PKN2: variants seen among roughly 807,000 people sequenced by gnomAD.
PKN2 encodes serine/threonine-protein kinase N2.
In PKN2, 38 loss-of-function variants were observed where a neutral mutation model predicts 119.1. The ratio of observed to expected loss-of-function variants is 0.32; its 90% CI spans 0.25 to 0.42. The LOEUF is 0.42. Among genes scored for constraint, PKN2 ranks in the 10% least tolerant of loss-of-function variants. The pLI, the probability that PKN2 is intolerant of heterozygous loss-of-function variation, is 1.00. For synonymous variants in PKN2, 390 were observed against 384.9 expected (o/e 1.01, Z -0.15); for missense variants, 850 against 1,165.1 (o/e 0.73, Z 3.94).
chr1:88,738,153 T>C (rs1668428393), intron 1 of PKN2, among the ~76,000 whole-genome samples: 1 of 138,086 alleles, frequency 7.2e-6, no homozygotes, highest in African/African-American at 2.7e-5. Flanking sequence ...AATAACATAA[T>C]GGACAAGTCA....
chr1:88,800,312 A>G (rs1218698158), intron 8 of PKN2, among the ~76,000 whole-genome samples: 1 of 152,208 alleles, frequency 6.6e-6, no homozygotes, highest in Non-Finnish European at 1.5e-5. Flanking sequence ...ACAAATACTG[A>G]GAGAAAACGT....
intron 19 of PKN2, 95 bp downstream of exon 19, chr1:88,828,718 G>T: frequency 1.1e-5 from 11 of 1,001,100 alleles, no homozygotes; most frequent in African/African-American, 1.6e-5. Flanking sequence ...TCTTCAGTAT[G>T]AGTGGAATTT....
At chr1:88,763,636 C>T (rs1040359949) in intron 3 of PKN2, among the ~76,000 whole-genome samples, 2 of 147,838 alleles carry the variant, frequency 1.4e-5, no homozygotes, top group Non-Finnish European at 3.0e-5. Context: ...AGAAAGTTCA[C>T]ATCCATCCTC....
At chr1:88,775,501 C>A (rs1197296561) in intron 6 of PKN2, among the ~76,000 whole-genome samples, 1 of 152,066 alleles carries the variant, frequency 6.6e-6, no homozygotes, top group South Asian at 2.1e-4. Flanking sequence ...TTTATTTATT[C>A]ATTCATTTAC....
At chr1:88,739,137 A>G (rs960662280) in intron 1 of PKN2, among the ~76,000 whole-genome samples, 4 of 152,036 alleles carry the variant, frequency 2.6e-5, no homozygotes, top group Non-Finnish European at 5.9e-5. Context: ...ACAACATGAA[A>G]TTTTCTTTGT....
intron 1 of PKN2, among the ~76,000 whole-genome samples, chr1:88,715,772 G>T (rs996842497): frequency 2.0e-5 from 3 of 152,032 alleles, no homozygotes; most frequent in African/African-American, 7.2e-5. Flanking sequence ...TTTTTGAAGG[G>T]TTCTTTGTTT....
chr1:88,732,047 G>A (rs769037436), intron 1 of PKN2, among the ~76,000 whole-genome samples: 1 of 152,152 alleles, frequency 6.6e-6, no homozygotes, highest in Non-Finnish European at 1.5e-5. Flanking sequence ...TGGCACATGA[G>A]GTAATTTAAT....
intron 1 of PKN2, among the ~76,000 whole-genome samples, chr1:88,702,741 CTT>C (rs942841496): frequency 4.6e-5 from 7 of 152,268 alleles, no homozygotes; most frequent in African/African-American, 1.7e-4. Context: ...TAAATGAAAA[CTT>C]TCAACTGCAC....
At chr1:88,802,931 A>G (rs75423017) in intron 8 of PKN2, among the ~76,000 whole-genome samples, 3,073 of 152,344 alleles carry the variant, frequency 0.02, 95 homozygotes, top group African/African-American at 0.07. Context: ...ATCTAAAAAA[A>G]TGGAGTCTAA....
At chr1:88,784,585 G>A in intron 6 of PKN2, 54 bp from the exon 7 acceptor site, 1 of 1,097,924 alleles carries the variant, frequency 9.1e-7, no homozygotes, top group South Asian at 2.4e-5. Flanking sequence ...TTAGATTAAG[G>A]ATTCCATAGA....
chr1:88,793,243 A>G (rs1160781409), intron 8 of PKN2, among the ~76,000 whole-genome samples: 1 of 152,138 alleles, frequency 6.6e-6, no homozygotes, highest in Non-Finnish European at 1.5e-5. Context: ...ACCTTTTCTA[A>G]TAGATTTGTG....
intron 1 of PKN2, among the ~76,000 whole-genome samples, chr1:88,716,215 A>G (rs1352681406): frequency 1.3e-5 from 2 of 152,160 alleles, no homozygotes; most frequent in Non-Finnish European, 2.9e-5. Flanking sequence ...ACTTCCAACT[A>G]TGTGGTCAAT....
chr1:88,748,178 A>G (rs560199046), intron 2 of PKN2, among the ~76,000 whole-genome samples: 17 of 152,300 alleles, frequency 1.1e-4, no homozygotes, highest in Non-Finnish European at 2.1e-4. Context: ...AATTCATCTA[A>G]CTGCCACCAC....
intron 1 of PKN2, among the ~76,000 whole-genome samples, chr1:88,703,727 A>G (rs552344120): frequency 2.0e-5 from 3 of 152,180 alleles, no homozygotes; most frequent in Non-Finnish European, 4.4e-5. Context: ...TACTTAGTCT[A>G]TAGTTCCATG....
At position 88,684,468 on chromosome 1, in the gene PKN2, T is replaced by TG; in HGVS notation, c.-113_-112insG. 5.1e-5 allele frequency: 20 copies of TG among 393,582 alleles called. No homozygotes were observed. Among genetic ancestry groups the TG allele is most frequent in the East Asian group, 7.7e-5 (1 of 12,988 alleles). 24.4% of individuals were successfully genotyped at this position (393,582 alleles called of 1,614,324 possible). On this transcript the variant is annotated 5_prime_UTR_variant, in exon 1 of 22. Coordinates refer to ENST00000370521, the MANE Select transcript of PKN2 (RefSeq NM_006256.4). The stretch of plus-strand genomic sequence containing the variant: ...CTGCGCCTCCATGAATCCCTAGTTG[T>TG]TTTTTTTTTTTTCTTTCTCTCCCCT...
chr1:88,789,976 T>TTTTGC (rs772643197), intron 8 of PKN2, among the ~76,000 whole-genome samples: 106 of 152,152 alleles, frequency 7.0e-4, no homozygotes, highest in Non-Finnish European at 1.3e-3. Flanking sequence ...CTTTGTTTTG[T>TTTTGC]TTTGCTTAGT....
At chr1:88,770,881 G>A (rs1333978545) in intron 4 of PKN2, among the ~76,000 whole-genome samples, 4 of 150,132 alleles carry the variant, frequency 2.7e-5, no homozygotes, top group East Asian at 1.9e-4. Context: ...CACCGCGCCC[G>A]GCCCTTTTTT....
chr1:88,686,868 C>T, intron 1 of PKN2, among the ~76,000 whole-genome samples: 1 of 152,028 alleles, frequency 6.6e-6, no homozygotes, highest in East Asian at 1.9e-4. Context: ...TGAATTTAGA[C>T]TGAAATACTG....
chr1:88,712,903 C>T (rs1438758978), intron 1 of PKN2, among the ~76,000 whole-genome samples: 1 of 152,152 alleles, frequency 6.6e-6, no homozygotes, highest in African/African-American at 2.4e-5. Context: ...TTAGGTATTT[C>T]TCCTAATACT....
Sources: gnomAD v4.1 joint callset for allele counts (sites outside exome capture counted in the v4.1 genomes callset) on GRCh38, gnomAD v4.1.1 for gene constraint, MANE v1.5 for transcripts, NCBI Gene and HGNC (gene_info 2026-07-23, HGNC 2026-07-21) for gene names.